Variants in CSMD1 observed in about 807,000 individuals in gnomAD.
The protein encoded by CSMD1 is CUB and Sushi multiple domains 1, also known as CUB and sushi domain-containing protein 1.
A neutral mutation model predicts 417.5 loss-of-function variants in CSMD1; 213 were observed. The observed-to-expected ratio is 0.51, with a 90% confidence interval of 0.46 to 0.57. CSMD1 has a LOEUF of 0.57. Among genes scored for constraint, CSMD1 ranks in the 20% least tolerant of loss-of-function variants. The pLI is 0.00. For missense variants in CSMD1, 6,923 were observed against 4,529.7 expected, an observed-to-expected ratio of 1.53 and a Z score of -15.17; for synonymous variants, 2,862 against 1,736.8, an observed-to-expected ratio of 1.65 and a Z score of -16.11.
At chr8:3,708,314 C>T (rs1358103923) in intron 7 of CSMD1, 100 bp downstream of exon 7, 16 of 875,466 alleles carry the variant, frequency 1.8e-5, no homozygotes, top group South Asian at 1.3e-4. Context: ...GAAGAGATAA[C>T]GTGGGGAAGG....
intron 40 of CSMD1, chr8:3,151,170 T>A (rs1385712112): frequency 2.2e-6 from 1 of 455,488 alleles, no homozygotes; most frequent in African/African-American, 2.0e-5. Context: ...ATATCATCAT[T>A]CGGCCAATTT....
At chr8:3,585,800 C>A (rs980658273) in intron 9 of CSMD1, among the ~76,000 whole-genome samples, 5 of 152,116 alleles carry the variant, frequency 3.3e-5, no homozygotes, top group Admixed American at 2.0e-4. Context: ...GCGGGGTGCA[C>A]AGAAACCTTT....
rs1336511671 is a variant in CSMD1 at position 4,962,186 on chromosome 8, TG to T, written c.85+32145del. Among the ~76,000 whole-genome samples the T allele has an allele frequency of 5.6e-5, 6 of 107,086 alleles. No homozygotes were observed. The East Asian group carries it at 1.4e-3, about 24-fold the overall frequency. The allele number at this position is 107,086 out of a possible 152,430, so 70.3% of individuals were successfully genotyped here. On this transcript the variant is annotated intron_variant, in intron 1 of 69. Coordinates refer to ENST00000635120, the MANE Select transcript of CSMD1 (RefSeq NM_033225.6). ...AAACAATAATATAAATGTAAATTTC[TG>T]CTTTTTTTTTAAAAAAAAAAGAAAA...
chr8:4,877,689 A>T (rs1459587623), intron 1 of CSMD1, among the ~76,000 whole-genome samples: 1 of 152,060 alleles, frequency 6.6e-6, no homozygotes, highest in Non-Finnish European at 1.5e-5. Context: ...CCCCTATTCC[A>T]TCTGGAATTA....
chr8:4,158,707 C>G (rs1386869223), intron 3 of CSMD1, among the ~76,000 whole-genome samples: 3 of 152,038 alleles, frequency 2.0e-5, no homozygotes, highest in African/African-American at 4.8e-5. Flanking sequence ...CTAAACCACC[C>G]CATTCAGTCC....
chr8:3,682,276 T>A (rs1423469217), intron 7 of CSMD1, among the ~76,000 whole-genome samples: 1 of 152,040 alleles, frequency 6.6e-6, no homozygotes, highest in African/African-American at 2.4e-5. Context: ...GGGATAAAAT[T>A]TTTGCAATCT....
intron 3 of CSMD1, among the ~76,000 whole-genome samples, chr8:4,094,179 C>G (rs535147961): frequency 6.6e-6 from 1 of 152,124 alleles, no homozygotes; most frequent in Admixed American, 6.5e-5. Context: ...GTGGTGAGCA[C>G]TCTTTGGAGC....
intron 12 of CSMD1, among the ~76,000 whole-genome samples, chr8:3,419,125 G>C (rs1295122572): frequency 6.6e-6 from 1 of 152,214 alleles, no homozygotes; most frequent in Non-Finnish European, 1.5e-5. Context: ...GCTTCTCAAT[G>C]ACGCAAGCTG....
At chr8:3,532,054 A>T (rs368717966) in intron 10 of CSMD1, among the ~76,000 whole-genome samples, 4 of 152,224 alleles carry the variant, frequency 2.6e-5, no homozygotes, top group African/African-American at 9.6e-5. Context: ...TAGATCAGAT[A>T]CTGCCTCATG....
At chr8:4,939,464 C>T (rs1048933397) in intron 1 of CSMD1, among the ~76,000 whole-genome samples, 1 of 152,086 alleles carries the variant, frequency 6.6e-6, no homozygotes, top group East Asian at 1.9e-4. Context: ...TACTATTCAG[C>T]CTTTAAAAAG....
At chr8:4,962,644 C>T (rs1194730092) in intron 1 of CSMD1, among the ~76,000 whole-genome samples, 1 of 152,104 alleles carries the variant, frequency 6.6e-6, no homozygotes, top group Non-Finnish European at 1.5e-5. Flanking sequence ...GCCATCACTT[C>T]AATTTATTCA....
At chr8:3,407,234 C>G (rs6990498) in intron 14 of CSMD1, among the ~76,000 whole-genome samples, 15 of 150,286 alleles carry the variant, frequency 1.0e-4, no homozygotes, top group African/African-American at 3.2e-4. Flanking sequence ...ATGGACAAAA[C>G]GATGGAAGGG....
chr8:3,472,222 G>T (rs1380081040), intron 11 of CSMD1, among the ~76,000 whole-genome samples: 3 of 152,004 alleles, frequency 2.0e-5, no homozygotes, highest in African/African-American at 2.4e-5. Context: ...AAGGTGCAAG[G>T]TATGAAATCA....
At chr8:3,945,914 G>T (rs929104759) in intron 5 of CSMD1, among the ~76,000 whole-genome samples, 1 of 152,036 alleles carries the variant, frequency 6.6e-6, no homozygotes, top group South Asian at 2.1e-4. Context: ...CTCAAGACGT[G>T]GCTCCAACTA....
intron 3 of CSMD1, among the ~76,000 whole-genome samples, chr8:4,231,003 A>C (rs576531536): frequency 1.4e-4 from 21 of 152,286 alleles, no homozygotes; most frequent in African/African-American, 4.3e-4. Flanking sequence ...TTGTTTCATC[A>C]CACACACATT....
intron 6 of CSMD1, among the ~76,000 whole-genome samples, chr8:3,710,954 C>T (rs371109966): frequency 2.0e-5 from 3 of 152,170 alleles, no homozygotes; most frequent in African/African-American, 7.2e-5. Flanking sequence ...GGTGAGATCC[C>T]GAAGCAATGC....
chr8:3,044,965 G>A (rs1204174165), intron 50 of CSMD1, among the ~76,000 whole-genome samples: 1 of 152,162 alleles, frequency 6.6e-6, no homozygotes, highest in Non-Finnish European at 1.5e-5. Flanking sequence ...AAGAGGTAAA[G>A]TTTTATGCTT....
At chr8:3,771,106 G>A (rs79625483) in intron 5 of CSMD1, among the ~76,000 whole-genome samples, 5 of 152,068 alleles carry the variant, frequency 3.3e-5, no homozygotes, top group Non-Finnish European at 5.9e-5. Flanking sequence ...TCAGGATCTT[G>A]AAAAACTGTA....
chr8:4,430,486 T>C (rs1797814444), intron 2 of CSMD1, among the ~76,000 whole-genome samples: 1 of 152,162 alleles, frequency 6.6e-6, no homozygotes, highest in Admixed American at 6.5e-5. Context: ...TGGTATATCA[T>C]AATTTGCACT....
Sources: gnomAD v4.1 joint callset for allele counts (sites outside exome capture counted in the v4.1 genomes callset) on GRCh38, gnomAD v4.1.1 for gene constraint, MANE v1.5 for transcripts, NCBI Gene and HGNC (gene_info 2026-07-23, HGNC 2026-07-21) for gene names.